Variants in KCNH1 observed in about 807,000 individuals in gnomAD.
The protein encoded by KCNH1 is voltage-gated delayed rectifier potassium channel KCNH1.
In KCNH1, 27 loss-of-function variants were observed where a neutral mutation model predicts 69.2. That is an observed-to-expected ratio of 0.39 (90% CI 0.29 to 0.54). The LOEUF is 0.54. Among genes scored for constraint, KCNH1 ranks in the 20% least tolerant of loss-of-function variants. KCNH1 has a pLI of 0.68. For missense variants in KCNH1, 798 were observed against 1,261.6 expected (o/e 0.63, Z 5.57); for synonymous variants, 456 against 487.7 (o/e 0.93, Z 0.86).
intron 6 of KCNH1, among the ~76,000 whole-genome samples, chr1:210,938,412 G>A (rs1415164439): frequency 6.6e-6 from 1 of 152,072 alleles, no homozygotes; most frequent in African/African-American, 2.4e-5. Flanking sequence ...TGTGCCATGT[G>A]AATTTATTCA....
intron 5 of KCNH1, among the ~76,000 whole-genome samples, chr1:211,057,449 A>G (rs912711462): frequency 1.3e-5 from 2 of 152,124 alleles, no homozygotes; most frequent in African/African-American, 4.8e-5. Context: ...CAGCCTGGGC[A>G]ACATGCAAAA....
At chr1:211,009,122 T>C (rs1689346176) in intron 6 of KCNH1, among the ~76,000 whole-genome samples, 1 of 152,182 alleles carries the variant, frequency 6.6e-6, no homozygotes, top group Non-Finnish European at 1.5e-5. Flanking sequence ...GAGTGCCTGA[T>C]AGGCCACCAT....
At chr1:211,081,031 A>G (rs900719306) in intron 5 of KCNH1, among the ~76,000 whole-genome samples, 14 of 152,240 alleles carry the variant, frequency 9.2e-5, no homozygotes, top group Non-Finnish European at 1.6e-4. Flanking sequence ...TGAACAGGCA[A>G]CCTACAAAAT....
chr1:210,879,799 G>T (rs535319587), intron 7 of KCNH1, among the ~76,000 whole-genome samples: 6 of 152,012 alleles, frequency 3.9e-5, no homozygotes, highest in Admixed American at 1.3e-4. Flanking sequence ...TGGGAAGAAA[G>T]AAATAAATTT....
intron 7 of KCNH1, among the ~76,000 whole-genome samples, chr1:210,852,177 A>G (rs1558497161): frequency 6.6e-6 from 1 of 152,214 alleles, no homozygotes; most frequent in Non-Finnish European, 1.5e-5. Context: ...GGGAGGAGGA[A>G]AAGCCATCAG....
chr1:211,083,458 A>G (rs543453119), intron 4 of KCNH1, among the ~76,000 whole-genome samples: 25 of 152,210 alleles, frequency 1.6e-4, no homozygotes, highest in Non-Finnish European at 3.2e-4. Context: ...GCAGTGGTAG[A>G]TTTTAGTCTG....
At chr1:210,775,327 T>C in intron 10 of KCNH1, 21 bp downstream of exon 10, 2 of 1,608,986 alleles carry the variant, frequency 1.2e-6, no homozygotes, top group East Asian at 2.2e-5. Flanking sequence ...TTGTGGAAAA[T>C]AACTGAAACT....
At chr1:211,078,950 G>T (rs1266288471) in intron 5 of KCNH1, among the ~76,000 whole-genome samples, 17 of 143,706 alleles carry the variant, frequency 1.2e-4, no homozygotes, top group African/African-American at 3.3e-4. Flanking sequence ...AAGAAAGAAA[G>T]AAATAACTAA....
At chr1:210,889,394 G>A (rs745517506) in intron 7 of KCNH1, among the ~76,000 whole-genome samples, 3 of 152,152 alleles carry the variant, frequency 2.0e-5, no homozygotes, top group Admixed American at 6.5e-5. Context: ...AGGTATTGAC[G>A]GAACGTATCT....
At chr1:210,795,124 T>C (rs901210762) in intron 9 of KCNH1, among the ~76,000 whole-genome samples, 4 of 130,816 alleles carry the variant, frequency 3.1e-5, no homozygotes, top group Non-Finnish European at 7.4e-5. Flanking sequence ...TTTTTGCTTG[T>C]TTTTGTTGTT....
intron 3 of KCNH1, among the ~76,000 whole-genome samples, chr1:211,095,960 C>T (rs1571643227): frequency 6.6e-6 from 1 of 152,066 alleles, no homozygotes; most frequent in African/African-American, 2.4e-5. Context: ...CCATCAGCCT[C>T]TTCATTTGTA....
intron 9 of KCNH1, among the ~76,000 whole-genome samples, chr1:210,775,827 C>T (rs1317938846): frequency 1.3e-5 from 2 of 152,214 alleles, no homozygotes; most frequent in African/African-American, 4.8e-5. Flanking sequence ...CAAAATAGGA[C>T]ACACACACCC....
chr1:210,949,161 T>A (rs556426742), intron 6 of KCNH1, among the ~76,000 whole-genome samples: 1 of 152,176 alleles, frequency 6.6e-6, no homozygotes, highest in Admixed American at 6.5e-5. Context: ...AAAGATACCA[T>A]GAACTCCCCA....
At chr1:210,754,991 C>T (rs1343464866) in intron 10 of KCNH1, among the ~76,000 whole-genome samples, 1 of 152,138 alleles carries the variant, frequency 6.6e-6, no homozygotes, top group Non-Finnish European at 1.5e-5. Flanking sequence ...CATGCATGCA[C>T]ATGTACAAGT....
intron 6 of KCNH1, among the ~76,000 whole-genome samples, chr1:210,938,351 G>A (rs763671550): frequency 6.6e-6 from 1 of 151,944 alleles, no homozygotes; most frequent in Non-Finnish European, 1.5e-5. Flanking sequence ...TAGAAATATC[G>A]ATTGTCCCCA....
intron 9 of KCNH1, among the ~76,000 whole-genome samples, chr1:210,795,101 C>T (rs942786954): frequency 6.6e-6 from 1 of 151,344 alleles, no homozygotes; most frequent in Non-Finnish European, 1.5e-5. Flanking sequence ...GCCTCCATTC[C>T]CCACCCAATT....
intron 6 of KCNH1, among the ~76,000 whole-genome samples, chr1:210,931,630 A>T (rs966252740): frequency 6.6e-6 from 1 of 152,152 alleles, no homozygotes; most frequent in South Asian, 2.1e-4. Context: ...TCATGTAACC[A>T]AACAACAACT....
chr1:210,711,916 C>G (rs947716669), intron 10 of KCNH1, among the ~76,000 whole-genome samples: 1 of 152,184 alleles, frequency 6.6e-6, no homozygotes, highest in African/African-American at 2.4e-5. Flanking sequence ...CCCCTGGACC[C>G]CAGGCTTAGA....
intron 1 of KCNH1, among the ~76,000 whole-genome samples, chr1:211,130,634 G>A (rs963874960): frequency 2.0e-5 from 3 of 152,072 alleles, no homozygotes; most frequent in Non-Finnish European, 4.4e-5. Flanking sequence ...TGCCTCTTAC[G>A]AATTGTAGGT....
Sources: gnomAD v4.1 joint callset for allele counts (sites outside exome capture counted in the v4.1 genomes callset) on GRCh38, gnomAD v4.1.1 for gene constraint, MANE v1.5 for transcripts, NCBI Gene and HGNC (gene_info 2026-07-23, HGNC 2026-07-21) for gene names.